CD46: variants seen among roughly 807,000 people sequenced by gnomAD.
The protein encoded by CD46 is CD46 molecule.
In CD46, 30 loss-of-function variants were observed where a neutral mutation model predicts 53.3. That is an observed-to-expected ratio of 0.56 (90% CI 0.42 to 0.76). The LOEUF (loss-of-function observed/expected upper bound fraction) is 0.76, where lower values mean the gene tolerates loss of function less well. Ranked by LOEUF, CD46 falls within the 30% of genes least tolerant of loss-of-function variation. CD46 has a pLI of 0.00. For missense variants in CD46, 409 were observed against 463.0 expected, an observed-to-expected ratio of 0.88 and a Z score of 1.07; for synonymous variants, 142 against 152.0, an observed-to-expected ratio of 0.93 and a Z score of 0.48.
Position 207,770,304 on chromosome 1 carries a change from C to G in CD46, c.902-17C>G. On this transcript the variant is annotated splice_polypyrimidine_tract_variant and intron_variant, in intron 7 of 12. Coordinates refer to ENST00000367042, the MANE Select transcript of CD46 (RefSeq NM_172351.3). ...TAAGGCCCTGGTGAATTTATAAAAT[C>G]AAACTTATTTTTCTAGGTCCTAGGC... is the stretch of plus-strand genomic sequence containing the variant. The G allele has an allele frequency of 6.3e-7, 1 of 1,587,476 alleles. No individual in the cohort carries two copies. The highest frequency in any genetic ancestry group is 8.6e-7 in the Non-Finnish European group (1 of 1,156,602).
intron 8 of CD46, among the ~76,000 whole-genome samples, chr1:207,782,052 C>T (rs1332044968): frequency 6.6e-6 from 1 of 152,152 alleles, no homozygotes; most frequent in East Asian, 1.9e-4. Flanking sequence ...TTTTCCAATC[C>T]ATAAACACAA....
rs775897902 is a variant in CD46, at chr1:207,767,769, T to C, written c.857-10T>C. 2 of 1,612,148 alleles carry C rather than the reference T, an allele frequency of 1.2e-6. No individual in the cohort carries two copies. Among genetic ancestry groups the C allele is most frequent in the Non-Finnish European group, 1.7e-6 (2 of 1,178,236 alleles). The stretch of plus-strand genomic sequence containing the variant: ...TTTGGTCCAATCTACATTATTATTT[T>C]GTTTTCCAGTGTCGACTTCTTCCAC... On this transcript the variant is annotated splice_polypyrimidine_tract_variant and intron_variant, in intron 6 of 12. Transcript: ENST00000367042.
chr1:207,792,121 C>G (rs1659846679), intron 12 of CD46, among the ~76,000 whole-genome samples: 1 of 151,972 alleles, frequency 6.6e-6, no homozygotes, highest in Non-Finnish European at 1.5e-5. Flanking sequence ...ACTAAAAATA[C>G]AAACATTAGC....
intron 5 of CD46, among the ~76,000 whole-genome samples, chr1:207,765,750 T>G (rs931695376): frequency 2.6e-5 from 4 of 152,220 alleles, no homozygotes; most frequent in Admixed American, 6.5e-5. Context: ...ATGACCACTT[T>G]GGGACATTTT....
chr1:207,793,385 A>G, intron 12 of CD46, 134 bp from the exon 13 acceptor site: 1 of 706,160 alleles, frequency 1.4e-6, no homozygotes, highest in Non-Finnish European at 2.5e-6. Flanking sequence ...TTTTAAAAGA[A>G]TAATTTATTT....
At chr1:207,765,475 A>G (rs1370066609) in intron 5 of CD46, among the ~76,000 whole-genome samples, 1 of 152,206 alleles carries the variant, frequency 6.6e-6, no homozygotes, top group Non-Finnish European at 1.5e-5. Flanking sequence ...CTGGAAGGAA[A>G]ACAGTGAGGA....
chr1:207,771,750 A>G (rs1325484701), intron 8 of CD46, among the ~76,000 whole-genome samples: 2 of 152,048 alleles, frequency 1.3e-5, no homozygotes, highest in Admixed American at 1.3e-4. Context: ...TGTTCCATTG[A>G]TCTATATATC....
At chr1:207,779,681 A>G (rs571879249) in intron 8 of CD46, among the ~76,000 whole-genome samples, 1 of 152,150 alleles carries the variant, frequency 6.6e-6, no homozygotes, top group Non-Finnish European at 1.5e-5. Context: ...CACTTAAATC[A>G]TTAGTAAATC....
At position 207,752,805 on chromosome 1, in the gene CD46, T is replaced by C. The variant is rs1220606302; in HGVS notation, c.97+496T>C. Among the ~76,000 whole-genome samples the C allele has an allele frequency of 3.3e-5, 5 of 152,144 alleles. No individual in the cohort carries two copies. Among genetic ancestry groups the C allele is most frequent in the Admixed American group, 2.0e-4 (3 of 15,278 alleles). On this transcript the variant is annotated intron_variant, in intron 1 of 12. Coordinates refer to ENST00000367042, the MANE Select transcript of CD46 (RefSeq NM_172351.3). The surrounding 1 kb of genome is among the most constrained non-coding windows in gnomAD (Gnocchi z 4.1). ...GTCTGCTGTGCCCCATGTGCTGGGC[T>C]GGGCGAGCAGGGGCCTGGCCAGGTG...
intron 9 of CD46, among the ~76,000 whole-genome samples, chr1:207,784,715 G>A (rs1659106575): frequency 6.6e-6 from 1 of 152,178 alleles, no homozygotes; most frequent in Admixed American, 6.5e-5. Context: ...GCAGGGCTGA[G>A]GAGGCCCCAG....
At chr1:207,785,933 G>A in intron 11 of CD46, 1 of 406,086 alleles carries the variant, frequency 2.5e-6, no homozygotes, top group Non-Finnish European at 4.5e-6. Flanking sequence ...AATTTCTTTT[G>A]GATTTGAGGT....
chr1:207,754,538 G>C (rs1006610025), intron 1 of CD46, among the ~76,000 whole-genome samples: 4 of 152,124 alleles, frequency 2.6e-5, no homozygotes, highest in Non-Finnish European at 5.9e-5. Flanking sequence ...CCAAAAGCCC[G>C]ATTTGTTTAC....
At chr1:207,767,279 C>CATTTT in intron 6 of CD46, 84 bp downstream of exon 6, 2 of 1,170,214 alleles carry the variant, frequency 1.7e-6, no homozygotes, top group Non-Finnish European at 2.6e-6. Context: ...TATTAACTAT[C>CATTTT]AGTCATACAA....
intron 8 of CD46, among the ~76,000 whole-genome samples, chr1:207,782,750 C>T (rs1421081574): frequency 3.5e-5 from 5 of 144,646 alleles, no homozygotes; most frequent in Non-Finnish European, 6.0e-5. Context: ...CGGGTTCAAG[C>T]GATTCTCCTG....
Position 207,752,088 on chromosome 1 carries a change from T to C in CD46, c.-125T>C. ...GCCACGCCCACCTGTCCTGCAGCAC[T>C]GGATGCTTTGTGAGTTGGGGATTGT... On this transcript the variant is annotated 5_prime_UTR_variant, in exon 1 of 13. Transcript: ENST00000367042. The surrounding 1 kb of genome is among the most constrained non-coding windows in gnomAD (Gnocchi z 4.1). 5.2e-6 allele frequency: 5 copies of C among 960,348 alleles called. No homozygotes were observed. Among genetic ancestry groups the C allele is most frequent in the East Asian group, 2.4e-5 (1 of 41,990 alleles). The allele number at this position is 960,348 out of a possible 1,614,324, so 59.5% of individuals were successfully genotyped here.
rs757946088 is a variant in CD46 at position 207,793,604 on chromosome 1, A to G, written c.*127A>G. 9 of 1,610,688 alleles carry G rather than the reference A, an allele frequency of 5.6e-6. No individual in the cohort carries two copies. Among genetic ancestry groups the G allele is most frequent in the South Asian group, 5.5e-5 (5 of 90,990 alleles). ...GCAGAGAGGCTGAATAGATTCCACA[A>G]CCTGGTTTGCCAGTTCATCTTTTGA... On this transcript the variant is annotated 3_prime_UTR_variant, in exon 13 of 13. Coordinates refer to ENST00000367042, the MANE Select transcript of CD46 (RefSeq NM_172351.3).
At chr1:207,773,208 G>A (rs1021737943) in intron 8 of CD46, among the ~76,000 whole-genome samples, 2 of 152,188 alleles carry the variant, frequency 1.3e-5, no homozygotes, top group African/African-American at 4.8e-5. Flanking sequence ...AGTATTCTCT[G>A]ATGGTAGTTT....
chr1:207,753,083 G>T (rs1655107826), intron 1 of CD46, among the ~76,000 whole-genome samples: 1 of 151,728 alleles, frequency 6.6e-6, no homozygotes, highest in Non-Finnish European at 1.5e-5. Flanking sequence ...TTTGGGGGGT[G>T]GGTGGGCCAT....
chr1:207,755,050 T>C (rs1655382342), intron 1 of CD46, among the ~76,000 whole-genome samples: 1 of 151,368 alleles, frequency 6.6e-6, no homozygotes, highest in Admixed American at 6.6e-5. Flanking sequence ...GAGCCCCTCA[T>C]GGTCAAGGCT....
Sources: gnomAD v4.1 joint callset for allele counts (sites outside exome capture counted in the v4.1 genomes callset) on GRCh38, gnomAD v4.1.1 for gene constraint, Gnocchi (gnomAD v3.1) non-coding constraint, MANE v1.5 for transcripts, NCBI Gene and HGNC (gene_info 2026-07-23, HGNC 2026-07-21) for gene names.